The following PTK2 variants were observed in gnomAD, a reference collection of about 807,000 sequenced individuals.
PTK2 encodes focal adhesion kinase 1.
In PTK2, 45 loss-of-function variants were observed where a neutral mutation model predicts 150.1. The ratio of observed to expected loss-of-function variants is 0.30; its 90% confidence interval spans 0.24 to 0.38. PTK2 has a LOEUF of 0.38. Ranked by LOEUF, PTK2 falls within the 10% of genes least tolerant of loss-of-function variation. The pLI, the probability that PTK2 is intolerant of heterozygous loss-of-function variation, is 1.00. For missense variants in PTK2, 919 were observed against 1,307.3 expected, an observed-to-expected ratio of 0.70 and a Z score of 4.58; for synonymous variants, 432 against 449.2, an observed-to-expected ratio of 0.96 and a Z score of 0.48.
At position 140,855,355 on chromosome 8, in the gene PTK2, G is replaced by A. The variant is rs965488961; in HGVS notation, c.451-8677C>T. On this transcript the variant is annotated intron_variant, in intron 5 of 31. Coordinates refer to ENST00000522684, the Ensembl canonical transcript of PTK2. The stretch of plus-strand genomic sequence containing the variant: ...TCACGTCAGTAATCCCAGCACTTTG[G>A]GAGGCCGAGGCGGGTGGATCACGAG... 5.3e-5 allele frequency among the ~76,000 whole-genome samples: 8 copies of A among 152,254 alleles called. 1 individual carries two copies. Among genetic ancestry groups the A allele is most frequent in the Admixed American group, 6.5e-5 (1 of 15,298 alleles).
chr8:140,848,500 A>G (rs1055484688), intron 5 of PTK2, among the ~76,000 whole-genome samples: 1 of 152,214 alleles, frequency 6.6e-6, no homozygotes, highest in Non-Finnish European at 1.5e-5. Flanking sequence ...GGGTGGGTAC[A>G]TAAATGTTAT....
chr8:140,968,938 T>C (rs2154609592), intron 1 of PTK2, among the ~76,000 whole-genome samples: 1 of 152,314 alleles, frequency 6.6e-6, no homozygotes, highest in East Asian at 1.9e-4. Context: ...CATTTGAGCA[T>C]CATGGCCCAG....
chr8:140,927,695 C>T lies in PTK2; in HGVS notation c.-121-1946G>A, dbSNP rs189799063. ...ATCAGGCCAGGCGAGGTGGCTCATG[C>T]CTGTAATCCCAACACTTTGGGAGGC... On this transcript the variant is annotated intron_variant, in intron 1 of 31. Coordinates refer to ENST00000522684, the Ensembl canonical transcript of PTK2. Among the ~76,000 whole-genome samples, 41 of 152,034 alleles carry T rather than the reference C, an allele frequency of 2.7e-4. 2 individuals are homozygous for T. The highest frequency in any genetic ancestry group is 9.4e-4 in the African/African-American group (39 of 41,472).
intron 1 of PTK2, among the ~76,000 whole-genome samples, chr8:140,958,852 C>G (rs1416588289): frequency 6.6e-6 from 1 of 152,090 alleles, no homozygotes; most frequent in Admixed American, 6.6e-5. Context: ...TATTAAACAC[C>G]GTTATACCAG....
intron 2 of PTK2, among the ~76,000 whole-genome samples, chr8:140,912,230 A>G (rs1196630788): frequency 6.6e-6 from 1 of 151,892 alleles, no homozygotes. Context: ...ACAACAGAGT[A>G]ACACTCTGTC....
At chr8:140,795,286 T>C (rs1444577254) in intron 12 of PTK2, among the ~76,000 whole-genome samples, 2 of 152,124 alleles carry the variant, frequency 1.3e-5, no homozygotes, top group African/African-American at 4.8e-5. Flanking sequence ...CCCAAATCAC[T>C]TGAGTACAAG....
intron 5 of PTK2, among the ~76,000 whole-genome samples, chr8:140,853,953 A>G (rs986475715): frequency 1.3e-5 from 2 of 152,240 alleles, no homozygotes; most frequent in African/African-American, 2.4e-5. Flanking sequence ...GAAGGAAGTC[A>G]ATTTCTAATG....
intron 14 of PTK2, among the ~76,000 whole-genome samples, chr8:140,765,686 A>T (rs2100071887): frequency 6.6e-6 from 1 of 152,176 alleles, no homozygotes; most frequent in Non-Finnish European, 1.5e-5. Flanking sequence ...CTCCCTCTTA[A>T]TCTGTTTTCA....
intron 21 of PTK2, among the ~76,000 whole-genome samples, chr8:140,737,121 T>G (rs2100053024): frequency 6.6e-6 from 1 of 152,182 alleles, no homozygotes; most frequent in Non-Finnish European, 1.5e-5. Flanking sequence ...CCTGGCACAC[T>G]TCTTAGAAAT....
intron 10 of PTK2, among the ~76,000 whole-genome samples, chr8:140,805,573 A>G (rs2100097712): frequency 6.6e-6 from 1 of 151,862 alleles, no homozygotes; most frequent in Admixed American, 6.6e-5. Context: ...AAGAAGAGAA[A>G]AAAAAGATCA....
At chr8:140,909,925 T>A (rs576449152) in intron 2 of PTK2, among the ~76,000 whole-genome samples, 196 of 152,300 alleles carry the variant, frequency 1.3e-3, no homozygotes, top group African/African-American at 4.5e-3. Context: ...ATATTTGAAA[T>A]GTATTCATAA....
intron 1 of PTK2, among the ~76,000 whole-genome samples, chr8:140,981,387 G>A (rs573616421): frequency 2.9e-4 from 44 of 152,280 alleles, no homozygotes; most frequent in African/African-American, 1.0e-3. Context: ...GGTGGGAGTG[G>A]GATGGGACAG....
At position 140,934,930 on chromosome 8, in the gene PTK2, T is replaced by C. The variant is rs2100173104; in HGVS notation, c.-121-9181A>G. On this transcript the variant is annotated intron_variant, in intron 1 of 31. Transcript: ENST00000522684. The stretch of plus-strand genomic sequence containing the variant: ...AATGGAGTTAGAGAGATTAGACTGT[T>C]ACTGTGTTTATGCAGAAAAGGAGGA... Among the ~76,000 whole-genome samples, 8 of 152,328 alleles carry C rather than the reference T, an allele frequency of 5.3e-5. No individual in the cohort carries two copies. The South Asian group carries it at 1.7e-3, about 32-fold the overall frequency.
intron 5 of PTK2, among the ~76,000 whole-genome samples, chr8:140,855,914 A>G (rs2100132281): frequency 6.6e-6 from 1 of 152,186 alleles, no homozygotes; most frequent in Non-Finnish European, 1.5e-5. Flanking sequence ...AAAAATGGTT[A>G]AGATGGTAAA....
At chr8:140,693,036 A>G (rs2100024139) in intron 26 of PTK2, among the ~76,000 whole-genome samples, 2 of 152,306 alleles carry the variant, frequency 1.3e-5, no homozygotes, top group East Asian at 1.9e-4. Flanking sequence ...ATAGTATCAC[A>G]TTAGAAAATT....
chr8:140,980,593 G>C (rs1453535490), intron 1 of PTK2, among the ~76,000 whole-genome samples: 1 of 152,108 alleles, frequency 6.6e-6, no homozygotes, highest in African/African-American at 2.4e-5. Context: ...CTGCACTTCA[G>C]CCTGGGCGAC....
intron 8 of PTK2, among the ~76,000 whole-genome samples, chr8:140,820,076 GTTTTTT>G (rs370537018): frequency 1.8e-4 from 9 of 50,252 alleles, no homozygotes; most frequent in African/African-American, 2.5e-4. Context: ...TCTGACTTTG[GTTTTTT>G]TTTTTTTTTT....
At position 140,984,528 on chromosome 8, in the gene PTK2, C is replaced by T. The variant is rs77847137; in HGVS notation, c.-122+16597G>A. On this transcript the variant is annotated intron_variant, in intron 1 of 31. Transcript: ENST00000522684. ...GAGATCCCTGGGTGGCATGTATGCA[C>T]TTAAACGCTGAGAAGCCTTCATATA... Among the ~76,000 whole-genome samples the T allele has an allele frequency of 3.4e-3, 522 of 152,164 alleles. 6 individuals are homozygous for T. The highest frequency in any genetic ancestry group is 0.012 in the African/African-American group (505 of 41,534).
intron 22 of PTK2, among the ~76,000 whole-genome samples, chr8:140,731,355 A>G (rs2100049227): frequency 6.6e-6 from 1 of 152,164 alleles, no homozygotes; most frequent in East Asian, 1.9e-4. Flanking sequence ...AGAAAATTTC[A>G]CTGTTGATCA....
Sources: allele counts gnomAD v4.1 joint callset (sites outside exome capture counted in the v4.1 genomes callset), GRCh38; gene constraint gnomAD v4.1.1; transcripts MANE v1.5; gene names NCBI Gene and HGNC (gene_info 2026-07-23, HGNC 2026-07-21).